CLIC5: variants seen among roughly 807,000 people sequenced by gnomAD.
CLIC5 encodes the protein chloride intracellular channel protein 5.
In CLIC5, 20 loss-of-function variants were observed where a neutral mutation model predicts 24.7. The observed-to-expected ratio is 0.81, with a 90% CI of 0.57 to 1.18. The LOEUF is 1.18. Among genes scored for constraint, CLIC5 ranks in the 50% most tolerant of loss-of-function variants. The pLI is 0.00. For synonymous variants in CLIC5, 159 were observed against 135.6 expected (o/e 1.17, Z -1.20); for missense variants, 341 against 326.1 (o/e 1.05, Z -0.35).
chr6:46,001,182 G>A (rs996751891), intron 1 of CLIC5, among the ~76,000 whole-genome samples: 1 of 152,142 alleles, frequency 6.6e-6, no homozygotes, highest in African/African-American at 2.4e-5. Context: ...AGAAGAGATA[G>A]TCCATGGTTT....
chr6:46,001,472 G>A (rs1345965255), intron 1 of CLIC5, among the ~76,000 whole-genome samples: 1 of 152,090 alleles, frequency 6.6e-6, no homozygotes, highest in Non-Finnish European at 1.5e-5. Flanking sequence ...CCTGATACCA[G>A]GTCCCTTGGC....
rs531275181 is a variant in CLIC5, at chr6:45,973,599, T to C, written c.64-18355A>G. Among the ~76,000 whole-genome samples the C allele has an allele frequency of 5.9e-5, 9 of 152,340 alleles. 1 individual carries two copies. In the South Asian group the frequency reaches 1.9e-3, roughly 32 times the overall value. ...ATTCCTTTTACAATATAATCACTAA[T>C]ATTTGATCCTCAAAAGCAAAATACT... On this transcript the variant is annotated intron_variant, in intron 1 of 5. Transcript: ENST00000339561.
intron 1 of CLIC5, among the ~76,000 whole-genome samples, chr6:45,955,678 T>C (rs1250636815): frequency 1.3e-5 from 2 of 152,090 alleles, no homozygotes; most frequent in Non-Finnish European, 2.9e-5. Flanking sequence ...GCTCTAACAA[T>C]TAGAAATGCT....
At chr6:45,970,697 A>G (rs1765172367) in intron 1 of CLIC5, among the ~76,000 whole-genome samples, 1 of 152,220 alleles carries the variant, frequency 6.6e-6, no homozygotes. Context: ...TGCATTTACA[A>G]GAGACAGATT....
chr6:45,983,586 G>T (rs1257919489), intron 1 of CLIC5, among the ~76,000 whole-genome samples: 1 of 152,228 alleles, frequency 6.6e-6, no homozygotes, highest in African/African-American at 2.4e-5. Flanking sequence ...AAGACACATA[G>T]AAGATTCAGG....
At chr6:46,033,985 G>C (rs1448867963) in intron 1 of CLIC5, among the ~76,000 whole-genome samples, 1 of 152,062 alleles carries the variant, frequency 6.6e-6, no homozygotes, top group African/African-American at 2.4e-5. Flanking sequence ...GAAGACCTAG[G>C]GTAAAACCCA....
intron 5 of CLIC5, 23 bp from the exon 6 acceptor site, chr6:45,903,278 G>A (rs1327762938): frequency 6.4e-7 from 1 of 1,559,446 alleles, no homozygotes; most frequent in Non-Finnish European, 8.7e-7. Context: ...TGGCAGGACA[G>A]AGGTGGTGTG....
upstream of CLIC5, among the ~76,000 whole-genome samples, chr6:46,019,217 T>A (rs1767103976): frequency 6.6e-6 from 1 of 152,192 alleles, no homozygotes; most frequent in African/African-American, 2.4e-5. Context: ...TATTAATACT[T>A]AAGCTAAATA....
At chr6:45,974,520 T>TAG (rs1438158945) in intron 1 of CLIC5, among the ~76,000 whole-genome samples, 71 of 66,940 alleles carry the variant, frequency 1.1e-3, no homozygotes, top group Non-Finnish European at 1.4e-3. Flanking sequence ...TATATATATA[T>TAG]ATAGAGAGAG....
chr6:46,024,829 T>C (rs902861558), intron 1 of CLIC5, among the ~76,000 whole-genome samples: 4 of 152,190 alleles, frequency 2.6e-5, no homozygotes, highest in African/African-American at 7.2e-5. Flanking sequence ...TGATACACTT[T>C]AAGAGTGACG....
At chr6:45,995,470 G>T (rs188786596) in intron 1 of CLIC5, among the ~76,000 whole-genome samples, 11 of 152,272 alleles carry the variant, frequency 7.2e-5, no homozygotes, top group Admixed American at 2.0e-4. Context: ...TCTGCTTTAC[G>T]CAGGCCTCCC....
chr6:46,038,190 A>T (rs539238796), intron 1 of CLIC5, among the ~76,000 whole-genome samples: 1 of 152,282 alleles, frequency 6.6e-6, no homozygotes, highest in Admixed American at 6.5e-5. Flanking sequence ...TCACTTTCAT[A>T]AATGAAAAAA....
At chr6:45,903,553 G>A (rs1010586915) in intron 5 of CLIC5, among the ~76,000 whole-genome samples, 1 of 152,146 alleles carries the variant, frequency 6.6e-6, no homozygotes, top group African/African-American at 2.4e-5. Flanking sequence ...TATGATCCCA[G>A]AGCTATTTTG....
chr6:45,977,763 A>C (rs1274779447), intron 1 of CLIC5, among the ~76,000 whole-genome samples: 1 of 152,128 alleles, frequency 6.6e-6, no homozygotes, highest in African/African-American at 2.4e-5. Flanking sequence ...TCTACTTTCA[A>C]ATACTAACTC....
At chr6:46,040,064 A>G (rs544328752) in intron 1 of CLIC5, among the ~76,000 whole-genome samples, 1 of 152,332 alleles carries the variant, frequency 6.6e-6, no homozygotes, top group East Asian at 1.9e-4. Context: ...GCATACAGCT[A>G]TTATACTTAA....
chr6:45,995,807 C>A (rs1766113893), intron 1 of CLIC5, among the ~76,000 whole-genome samples: 1 of 152,092 alleles, frequency 6.6e-6, no homozygotes, highest in Non-Finnish European at 1.5e-5. Flanking sequence ...GAGACCATGT[C>A]CTTTGCGGGG....
intron 1 of CLIC5, among the ~76,000 whole-genome samples, chr6:46,006,196 G>T (rs1426076692): frequency 7.0e-6 from 1 of 143,260 alleles, no homozygotes; most frequent in Admixed American, 7.1e-5. Flanking sequence ...CCAGCCTGGA[G>T]TGCAATGGCG....
chr6:45,984,563 C>T (rs1038449557), intron 1 of CLIC5, among the ~76,000 whole-genome samples: 1 of 152,164 alleles, frequency 6.6e-6, no homozygotes, highest in African/African-American at 2.4e-5. Flanking sequence ...AGTACGTGTG[C>T]TTCATAAACT....
At chr6:46,019,548 C>G (rs1409577079), upstream of CLIC5, among the ~76,000 whole-genome samples, 3 of 150,354 alleles carry the variant, frequency 2.0e-5, no homozygotes, top group East Asian at 3.9e-4. Context: ...TAGCCGGGCG[C>G]GGTGGCGGGC....
Sources: gnomAD v4.1 joint callset for allele counts (sites outside exome capture counted in the v4.1 genomes callset) on GRCh38, gnomAD v4.1.1 for gene constraint, MANE v1.5 for transcripts, NCBI Gene and HGNC (gene_info 2026-07-23, HGNC 2026-07-21) for gene names.